Variants in PPP1R12B observed in about 807,000 individuals in gnomAD.
The protein encoded by PPP1R12B is protein phosphatase 1 regulatory subunit 12B.
PPP1R12B carries 76 observed loss-of-function variants against 126.1 expected under a neutral mutation model. The observed-to-expected ratio is 0.60, with a 90% CI of 0.50 to 0.73. The LOEUF is 0.73. Ranked by LOEUF, PPP1R12B falls within the 30% of genes least tolerant of loss-of-function variation. PPP1R12B has a pLI of 0.00. For missense variants in PPP1R12B, 1,052 were observed against 1,205.1 expected (o/e 0.87, Z 1.88); for synonymous variants, 356 against 434.7 (o/e 0.82, Z 2.25).
At chr1:202,512,716 C>T (rs1243559377) in intron 18 of PPP1R12B, among the ~76,000 whole-genome samples, 2 of 152,170 alleles carry the variant, frequency 1.3e-5, no homozygotes, top group Non-Finnish European at 2.9e-5. Context: ...CCAGTCTCCT[C>T]TCCTCCCATC....
intron 1 of PPP1R12B, among the ~76,000 whole-genome samples, chr1:202,374,656 G>A (rs1016722504): frequency 5.9e-5 from 9 of 151,630 alleles, no homozygotes; most frequent in Non-Finnish European, 7.4e-5. Context: ...ATGCCGCCAC[G>A]CCCAGCTAAT....
Position 202,377,832 on chromosome 1 carries a change from G to GTTTTTTTTT in PPP1R12B, c.291+28709_291+28717dup, listed in dbSNP as rs74860606. Among the ~76,000 whole-genome samples the GTTTTTTTTT allele has an allele frequency of 4.8e-4, 47 of 97,266 alleles. 7 individuals carry two copies. The highest frequency in any genetic ancestry group is 2.3e-3 in the African/African-American group (47 of 20,140). 63.8% of individuals were successfully genotyped at this position (97,266 alleles called of 152,430 possible). On this transcript the variant is annotated intron_variant, in intron 1 of 23. Transcript: ENST00000608999. ...GGAGAAAGAAAGGTCAAAGACAGGT[G>GTTTTTTTTT]TTTTTTTTTTTTTTTTTTTTTTTTT...
At chr1:202,526,049 GAAC>G (rs1206252556) in intron 18 of PPP1R12B, among the ~76,000 whole-genome samples, 5 of 152,244 alleles carry the variant, frequency 3.3e-5, no homozygotes, top group South Asian at 2.1e-4. Context: ...TCCCAATGGA[GAAC>G]AACAACAACA....
At chr1:202,499,851 G>A (rs746607396) in intron 18 of PPP1R12B, among the ~76,000 whole-genome samples, 3 of 152,160 alleles carry the variant, frequency 2.0e-5, no homozygotes, top group African/African-American at 7.2e-5. Context: ...TTTATGGCCA[G>A]GAATGGCCAT....
intron 13 of PPP1R12B, among the ~76,000 whole-genome samples, chr1:202,488,200 A>G (rs552894081): frequency 6.6e-6 from 1 of 152,350 alleles, no homozygotes; most frequent in African/African-American, 2.4e-5. Context: ...ACAGAATGGA[A>G]CAGCATGAAA....
chr1:202,437,183 T>C (rs1670938275), intron 9 of PPP1R12B, among the ~76,000 whole-genome samples: 1 of 151,736 alleles, frequency 6.6e-6, no homozygotes, highest in Non-Finnish European at 1.5e-5. Flanking sequence ...TTAGAGAAAA[T>C]TAACTGGGCA....
At chr1:202,564,616 A>C (rs1687883352) in intron 21 of PPP1R12B, 69 bp downstream of exon 21, 2 of 1,278,176 alleles carry the variant, frequency 1.6e-6, no homozygotes, top group African/African-American at 3.0e-5. Context: ...TAGACTAGGG[A>C]TCTAAGGGAC....
intron 18 of PPP1R12B, among the ~76,000 whole-genome samples, chr1:202,514,697 G>T (rs540410801): frequency 6.6e-6 from 1 of 152,150 alleles, no homozygotes; most frequent in African/African-American, 2.4e-5. Flanking sequence ...TTTCCCCATT[G>T]CTTGTTTTTG....
At chr1:202,524,974 T>G (rs1558331870) in intron 18 of PPP1R12B, among the ~76,000 whole-genome samples, 1 of 152,082 alleles carries the variant, frequency 6.6e-6, no homozygotes, top group Non-Finnish European at 1.5e-5. Context: ...GCCTCCTGGG[T>G]TCAAAGTGAT....
In PPP1R12B at chr1:202,560,505, G is replaced by C. The variant is rs564288743; in HGVS notation, c.2507+1612G>C. On this transcript the variant is annotated intron_variant, in intron 19 of 23. Transcript: ENST00000608999. ...GTTGTAACTTCCTGACTTTGCCATG[G>C]CATTTGTAAGCTGTTATGGTGTTGG... Among the ~76,000 whole-genome samples, 18 of 152,280 alleles carry C rather than the reference G, an allele frequency of 1.2e-4. No individual in the cohort carries two copies. In the South Asian group the frequency reaches 3.7e-3, roughly 32 times the overall value.
At chr1:202,444,408 T>A (rs1671989753) in intron 12 of PPP1R12B, among the ~76,000 whole-genome samples, 2 of 152,248 alleles carry the variant, frequency 1.3e-5, no homozygotes, top group Non-Finnish European at 2.9e-5. Flanking sequence ...CAAATACAAG[T>A]TGCCCTTTAT....
intron 1 of PPP1R12B, among the ~76,000 whole-genome samples, chr1:202,408,405 A>G (rs550172728): frequency 1.9e-4 from 29 of 152,338 alleles, no homozygotes; most frequent in Non-Finnish European, 1.2e-4. Flanking sequence ...TTAAAAAGTC[A>G]TATTATAAAT....
chr1:202,569,106 T>C (rs1688340498), intron 22 of PPP1R12B, 41 bp from the exon 23 acceptor site: 1 of 1,602,354 alleles, frequency 6.2e-7, no homozygotes, highest in East Asian at 2.2e-5. Flanking sequence ...TACTCCCTTC[T>C]GAATTCAATA....
intron 1 of PPP1R12B, among the ~76,000 whole-genome samples, chr1:202,387,920 T>A (rs181295705): frequency 8.5e-5 from 13 of 152,230 alleles, no homozygotes; most frequent in African/African-American, 3.1e-4. Flanking sequence ...AAATTAGTTG[T>A]GGGATTAACA....
chr1:202,359,562 C>T (rs993081993), intron 1 of PPP1R12B, among the ~76,000 whole-genome samples: 26 of 151,580 alleles, frequency 1.7e-4, no homozygotes, highest in African/African-American at 4.6e-4. Flanking sequence ...GGTGAATCAC[C>T]GGAGGTCAGG....
At chr1:202,446,156 A>G (rs1049599167) in intron 12 of PPP1R12B, among the ~76,000 whole-genome samples, 1 of 149,222 alleles carries the variant, frequency 6.7e-6, no homozygotes, top group Non-Finnish European at 1.5e-5. Flanking sequence ...CATGTTAACT[A>G]TTATCACCAT....
intron 10 of PPP1R12B, chr1:202,439,857 G>T: frequency 2.9e-6 from 1 of 341,224 alleles, no homozygotes; most frequent in Non-Finnish European, 5.7e-6. Context: ...CTCCTCAACA[G>T]GTTTGGGGAC....
chr1:202,530,891 C>T (rs543411559), intron 18 of PPP1R12B, among the ~76,000 whole-genome samples: 8 of 152,160 alleles, frequency 5.3e-5, no homozygotes, highest in Non-Finnish European at 1.0e-4. Context: ...GAAAGAATTG[C>T]GTGACTTTTC....
In PPP1R12B at chr1:202,496,778, T is replaced by C. The variant is rs1241693781; in HGVS notation, c.2449-3T>C. On this transcript the variant is annotated splice_polypyrimidine_tract_variant and splice_region_variant and intron_variant, in intron 17 of 23. Coordinates refer to ENST00000608999, the MANE Select transcript of PPP1R12B (RefSeq NM_002481.4). ...CTTGATTTTCTTCCCTTTTCTTTTTTAGGAGGATGAAACTGATGGCTCTGA... is the reference window on the plus strand; with the variant it reads ...CTTGATTTTCTTCCCTTTTCTTTTTCAGGAGGATGAAACTGATGGCTCTGA... 1 of 1,611,102 alleles carries C rather than the reference T, an allele frequency of 6.2e-7. No homozygotes were observed. The highest frequency in any genetic ancestry group is 1.3e-5 in the African/African-American group (1 of 74,832).
Sources: gnomAD v4.1 joint callset for allele counts (sites outside exome capture counted in the v4.1 genomes callset) on GRCh38, gnomAD v4.1.1 for gene constraint, MANE v1.5 for transcripts, NCBI Gene and HGNC (gene_info 2026-07-23, HGNC 2026-07-21) for gene names.